MYO5B: variants seen among roughly 807,000 people sequenced by gnomAD.
MYO5B encodes myosin VB, also known as unconventional myosin-Vb.
In MYO5B, 143 loss-of-function variants were observed where a neutral mutation model predicts 229.3. The observed-to-expected ratio is 0.62, with a 90% CI of 0.54 to 0.72. MYO5B has a LOEUF of 0.72. MYO5B is among the 30% of genes least tolerant of loss of function. The probability of loss-of-function intolerance (pLI) is 0.00; values close to 1 mark genes in which losing one functional copy is unlikely to be tolerated. For synonymous variants in MYO5B, 918 were observed against 885.2 expected, an observed-to-expected ratio of 1.04 and a Z score of -0.66; for missense variants, 2,321 against 2,331.0, an observed-to-expected ratio of 1.00 and a Z score of 0.09.
intron 1 of MYO5B, among the ~76,000 whole-genome samples, chr18:50,135,189 T>C (rs2032316893): frequency 6.6e-6 from 1 of 152,210 alleles, no homozygotes; most frequent in Admixed American, 6.5e-5. Context: ...CTCCCACTTC[T>C]TACTCCCTGT....
At chr18:49,842,694 C>A (rs1047474509) in intron 34 of MYO5B, among the ~76,000 whole-genome samples, 2 of 152,214 alleles carry the variant, frequency 1.3e-5, no homozygotes, top group African/African-American at 4.8e-5. Context: ...TCAAGAAGAG[C>A]CTTGTGCCTT....
At chr18:50,190,984 G>A (rs1259959774) in intron 1 of MYO5B, among the ~76,000 whole-genome samples, 1 of 152,156 alleles carries the variant, frequency 6.6e-6, no homozygotes, top group East Asian at 1.9e-4. Context: ...AAGCCCACTA[G>A]CAAGTTAAAA....
chr18:49,995,638 TCTA>T (rs1189833535), intron 5 of MYO5B, among the ~76,000 whole-genome samples: 1 of 152,176 alleles, frequency 6.6e-6, no homozygotes, highest in South Asian at 2.1e-4. Flanking sequence ...GCCTTAAACA[TCTA>T]CTTTCCAGTG....
In MYO5B at chr18:49,822,969, T is replaced by C. The variant is rs568315666; in HGVS notation, c.*3502A>G. ...TAGTCTTTCTTCCATGGTGTTGGATTCACCCCTGAATATGATCTGAACTCT... is the reference window on the plus strand; with the variant it reads ...TAGTCTTTCTTCCATGGTGTTGGATCCACCCCTGAATATGATCTGAACTCT... On this transcript the variant is annotated 3_prime_UTR_variant, in exon 40 of 40. Transcript: ENST00000285039. 1 of 151,562 alleles carries C rather than the reference T, an allele frequency of 6.6e-6. No homozygotes were observed. Among genetic ancestry groups the C allele is most frequent in the African/African-American group, 2.4e-5 (1 of 41,218 alleles). The allele number at this position is 151,562 out of a possible 1,614,324, so 9.4% of individuals were successfully genotyped here. A position where few individuals can be genotyped will look rare whatever the true frequency, so the allele number is the denominator to read the frequency against.
chr18:50,186,080 T>C (rs1297727345), intron 1 of MYO5B, among the ~76,000 whole-genome samples: 2 of 152,228 alleles, frequency 1.3e-5, no homozygotes, highest in Admixed American at 1.3e-4. Context: ...TAAATAACAA[T>C]CACTTCAACA....
intron 31 of MYO5B, 106 bp from the exon 32 acceptor site, chr18:49,849,766 C>CA: frequency 1.2e-6 from 1 of 854,204 alleles, no homozygotes; most frequent in Non-Finnish European, 2.0e-6. Context: ...CCATGGGCAG[C>CA]CGTCAGAAAT....
At chr18:49,890,657 CTAG>C (rs2024701731) in intron 22 of MYO5B, among the ~76,000 whole-genome samples, 1 of 152,154 alleles carries the variant, frequency 6.6e-6, no homozygotes. Context: ...CGCAAGGTTT[CTAG>C]TAGCAAACAT....
At chr18:50,174,156 T>G (rs2032960319) in intron 1 of MYO5B, among the ~76,000 whole-genome samples, 1 of 152,190 alleles carries the variant, frequency 6.6e-6, no homozygotes, top group Admixed American at 6.5e-5. Context: ...CTTACATCAG[T>G]GACCCCACTC....
At chr18:50,193,557 G>C (rs927305616) in intron 1 of MYO5B, among the ~76,000 whole-genome samples, 1 of 152,252 alleles carries the variant, frequency 6.6e-6, no homozygotes, top group Admixed American at 6.5e-5. Flanking sequence ...GTAAGGACGC[G>C]GAAGTGACTG....
chr18:50,070,433 G>C (rs770555329), intron 1 of MYO5B, among the ~76,000 whole-genome samples: 5 of 151,894 alleles, frequency 3.3e-5, no homozygotes, highest in Non-Finnish European at 5.9e-5. Flanking sequence ...GGACAAAACT[G>C]TCCCCAGAGG....
At chr18:50,142,164 A>G (rs1451055314) in intron 1 of MYO5B, among the ~76,000 whole-genome samples, 1 of 152,104 alleles carries the variant, frequency 6.6e-6, no homozygotes, top group Non-Finnish European at 1.5e-5. Flanking sequence ...TGGCACACAC[A>G]AGGTGTCTGC....
At chr18:49,931,769 AC>A (rs2025195652) in intron 16 of MYO5B, among the ~76,000 whole-genome samples, 1 of 152,202 alleles carries the variant, frequency 6.6e-6, no homozygotes, top group Admixed American at 6.5e-5. Flanking sequence ...TCCCCTGCTC[AC>A]AGGCTCTCAC....
At chr18:50,117,620 G>GA (rs201748887) in intron 1 of MYO5B, among the ~76,000 whole-genome samples, 219 of 147,262 alleles carry the variant, frequency 1.5e-3, no homozygotes, top group African/African-American at 4.9e-3. Context: ...TAAAAGCCGA[G>GA]AAAAAAAAAA....
chr18:49,831,949 C>T (rs2023928263), intron 39 of MYO5B, among the ~76,000 whole-genome samples: 1 of 152,122 alleles, frequency 6.6e-6, no homozygotes, highest in Admixed American at 6.5e-5. Flanking sequence ...ACATGGATGA[C>T]CTTTGAGAAC....
chr18:49,954,285 T>C (rs774770387), intron 13 of MYO5B, 28 bp downstream of exon 13: 4 of 1,613,086 alleles, frequency 2.5e-6, no homozygotes, highest in African/African-American at 1.3e-5. Context: ...GCCAAGGGAA[T>C]ACCCGAGCCA....
At chr18:50,033,541 C>T (rs1001965427) in intron 4 of MYO5B, among the ~76,000 whole-genome samples, 2 of 152,094 alleles carry the variant, frequency 1.3e-5, no homozygotes, top group African/African-American at 4.8e-5. Context: ...TTGAGCCTAT[C>T]AAATAACTGA....
intron 3 of MYO5B, among the ~76,000 whole-genome samples, chr18:50,038,018 G>A (rs1218588725): frequency 6.6e-6 from 1 of 152,188 alleles, no homozygotes; most frequent in Non-Finnish European, 1.5e-5. Context: ...ATGGATTGCA[G>A]TGATGGACTC....
At chr18:50,102,858 TC>T (rs1422311012) in intron 1 of MYO5B, among the ~76,000 whole-genome samples, 1 of 151,514 alleles carries the variant, frequency 6.6e-6, no homozygotes, top group Non-Finnish European at 1.5e-5. Flanking sequence ...TTCCTTCCCC[TC>T]CCCAGCCTCA....
chr18:49,904,713 C>T lies in MYO5B; in HGVS notation c.2530G>A (p.Ala844Thr). ...RVRRAAVVIQ[A>T]FTRAMFVRRT... ...CGCACAAACATGGCCCGGGTGAAGG[C>T]CTGGATAACAACGGCAGCTCTGCGG... The change falls in exon 20 of 40, where the codon GCC (alanine) becomes ACC (threonine). Residue 844 changes from alanine (A) to threonine (T), a missense_variant. By Grantham distance (58) the Ala-to-Thr change is moderately conservative (BLOSUM62 0). Coordinates refer to ENST00000285039, the MANE Select transcript of MYO5B (RefSeq NM_001080467.3). 1 of 1,614,112 alleles carries T rather than the reference C, an allele frequency of 6.2e-7. No individual in the cohort carries two copies. The highest frequency in any genetic ancestry group is 8.5e-7 in the Non-Finnish European group (1 of 1,180,058).
Sources: allele counts gnomAD v4.1 joint callset (sites outside exome capture counted in the v4.1 genomes callset), GRCh38; gene constraint gnomAD v4.1.1; transcripts MANE v1.5; gene names NCBI Gene and HGNC (gene_info 2026-07-23, HGNC 2026-07-21).